The following FBXL13 variants were observed in gnomAD, a reference collection of about 807,000 sequenced individuals.
FBXL13 encodes the protein F-box and leucine-rich repeat protein 13.
Under a neutral mutation model 83.6 loss-of-function variants are expected in FBXL13, and 67 were observed. The ratio of observed to expected loss-of-function variants is 0.80; its 90% CI spans 0.66 to 0.98. The LOEUF is 0.98. FBXL13 is among the 50% of genes least tolerant of loss of function. The pLI is 0.00. For synonymous variants in FBXL13, 272 were observed against 299.5 expected, an observed-to-expected ratio of 0.91 and a Z score of 0.95; for missense variants, 822 against 866.5, an observed-to-expected ratio of 0.95 and a Z score of 0.64.
At chr7:102,842,482 C>T (rs1039996469) in intron 17 of FBXL13, among the ~76,000 whole-genome samples, 26 of 152,222 alleles carry the variant, frequency 1.7e-4, no homozygotes, top group Non-Finnish European at 3.2e-4. Context: ...TGGAGTCTAT[C>T]AACTGATGAG....
At chr7:102,975,794 A>G in intron 6 of FBXL13, 1 of 598,590 alleles carries the variant, frequency 1.7e-6, no homozygotes, top group South Asian at 2.0e-5. Context: ...CCACAACGAG[A>G]CTTTCTTAAT....
At chr7:102,902,445 T>G (rs939648551) in intron 11 of FBXL13, among the ~76,000 whole-genome samples, 1 of 152,188 alleles carries the variant, frequency 6.6e-6, no homozygotes, top group African/African-American at 2.4e-5. Flanking sequence ...TCATGTGATC[T>G]CATTTGTCCA....
intron 10 of FBXL13, among the ~76,000 whole-genome samples, chr7:102,917,293 G>A (rs1367767396): frequency 1.3e-5 from 2 of 152,094 alleles, no homozygotes; most frequent in Non-Finnish European, 2.9e-5. Context: ...AAATTTCCAA[G>A]CCAATTGAAA....
intron 6 of FBXL13, among the ~76,000 whole-genome samples, chr7:102,984,609 A>C (rs1828716806): frequency 6.6e-6 from 1 of 152,206 alleles, no homozygotes; most frequent in Non-Finnish European, 1.5e-5. Context: ...TTTATTTATT[A>C]TAACTACTTA....
chr7:103,030,989 A>G (rs1794454289), intron 2 of FBXL13: 1 of 152,200 alleles, frequency 6.6e-6, no homozygotes, highest in African/African-American at 2.4e-5. Flanking sequence ...GAAAGGAAGG[A>G]AAGAGAGAAA....
intron 6 of FBXL13, among the ~76,000 whole-genome samples, chr7:103,019,065 A>G (rs1792779545): frequency 6.6e-6 from 1 of 152,242 alleles, no homozygotes; most frequent in Non-Finnish European, 1.5e-5. Flanking sequence ...TTGATCACAT[A>G]GTTGGAAGTA....
chr7:103,038,283 C>T (rs556706907), intron 2 of FBXL13, among the ~76,000 whole-genome samples: 60 of 152,296 alleles, frequency 3.9e-4, no homozygotes, highest in African/African-American at 1.4e-3. Flanking sequence ...GCTTGAGTAG[C>T]TCACAGTGTA....
intron 8 of FBXL13, among the ~76,000 whole-genome samples, chr7:102,935,924 G>T (rs1369551665): frequency 6.6e-6 from 1 of 152,136 alleles, no homozygotes; most frequent in Non-Finnish European, 1.5e-5. Flanking sequence ...GGCTCCTCTC[G>T]AGAGAATGTT....
intron 11 of FBXL13, among the ~76,000 whole-genome samples, chr7:102,890,360 T>C (rs987091360): frequency 6.6e-6 from 1 of 152,212 alleles, no homozygotes; most frequent in Admixed American, 6.5e-5. Flanking sequence ...GGCTTCCATT[T>C]TGACACCAAC....
At chr7:102,960,896 C>T (rs1825084671) in intron 8 of FBXL13, among the ~76,000 whole-genome samples, 1 of 152,050 alleles carries the variant, frequency 6.6e-6, no homozygotes, top group Non-Finnish European at 1.5e-5. Context: ...TGGGCAAACA[C>T]TGGAAGCATT....
At chr7:102,906,919 T>A (rs1477395484) in intron 11 of FBXL13, among the ~76,000 whole-genome samples, 1 of 152,156 alleles carries the variant, frequency 6.6e-6, no homozygotes, top group East Asian at 1.9e-4. Flanking sequence ...TCTGGTATTA[T>A]CCCTTTGGTT....
chr7:102,953,444 T>G (rs142472812), intron 8 of FBXL13, among the ~76,000 whole-genome samples: 2 of 152,120 alleles, frequency 1.3e-5, no homozygotes, highest in African/African-American at 2.4e-5. Context: ...GAAAAGGCAT[T>G]TGACAAAATC....
At chr7:103,064,425 A>G (rs1464330593) in intron 1 of FBXL13, among the ~76,000 whole-genome samples, 2 of 152,236 alleles carry the variant, frequency 1.3e-5, no homozygotes, top group Non-Finnish European at 1.5e-5. Context: ...TACGTAGGCA[A>G]CTTGTAAATG....
chr7:102,956,106 C>T (rs572849245), intron 8 of FBXL13, among the ~76,000 whole-genome samples: 11 of 152,172 alleles, frequency 7.2e-5, no homozygotes, highest in African/African-American at 2.6e-4. Context: ...ACCAATATCC[C>T]TGATGAATAT....
At chr7:102,978,940 A>G (rs1827846538) in intron 6 of FBXL13, among the ~76,000 whole-genome samples, 1 of 152,238 alleles carries the variant, frequency 6.6e-6, no homozygotes, top group Admixed American at 6.5e-5. Context: ...TGATAGATCA[A>G]TGCAAGGAAA....
chr7:102,949,614 A>G (rs1446052414), intron 8 of FBXL13, among the ~76,000 whole-genome samples: 1 of 152,212 alleles, frequency 6.6e-6, no homozygotes, highest in African/African-American at 2.4e-5. Flanking sequence ...AAAAAAAATC[A>G]AGGTCTACTC....
chr7:102,918,551 C>G (rs1450379292), intron 10 of FBXL13, among the ~76,000 whole-genome samples: 1 of 152,174 alleles, frequency 6.6e-6, no homozygotes, highest in East Asian at 1.9e-4. Context: ...CAGAGTGGAT[C>G]ATGCCTATAA....
At chr7:102,915,879 A>G (rs1815755530) in intron 10 of FBXL13, among the ~76,000 whole-genome samples, 1 of 152,222 alleles carries the variant, frequency 6.6e-6, no homozygotes, top group South Asian at 2.1e-4. Context: ...TGATAAGAAT[A>G]TATTTGTGAT....
intron 8 of FBXL13, among the ~76,000 whole-genome samples, chr7:102,949,840 T>C (rs1823136378): frequency 6.6e-6 from 1 of 152,168 alleles, no homozygotes. Context: ...GCATGGTGGC[T>C]CACACCTGTA....
Sources: gnomAD v4.1 joint callset for allele counts (sites outside exome capture counted in the v4.1 genomes callset) on GRCh38, gnomAD v4.1.1 for gene constraint, MANE v1.5 for transcripts, NCBI Gene and HGNC (gene_info 2026-07-23, HGNC 2026-07-21) for gene names.